The following SHOC2 variants were observed in gnomAD, a reference collection of about 807,000 sequenced individuals.
SHOC2 encodes leucine-rich repeat protein SHOC-2.
SHOC2 carries 4 observed loss-of-function variants against 50.2 expected under a neutral mutation model. That is an observed-to-expected ratio of 0.08 (90% confidence interval 0.04 to 0.18). SHOC2 has a LOEUF of 0.18. SHOC2 is among the 10% of genes least tolerant of loss of function. The pLI is 1.00. For synonymous variants in SHOC2, 218 were observed against 244.5 expected, an observed-to-expected ratio of 0.89 and a Z score of 1.01; for missense variants, 388 against 669.6, an observed-to-expected ratio of 0.58 and a Z score of 4.64.
Position 110,964,247 on chromosome 10 carries a change from T to C in SHOC2, c.-112T>C. 6.6e-7 allele frequency: 1 copy of C among 1,504,154 alleles called. No individual in the cohort carries two copies. The highest frequency in any genetic ancestry group is 8.9e-7 in the Non-Finnish European group (1 of 1,125,990). 93.2% of individuals were successfully genotyped at this position (1,504,154 alleles called of 1,614,324 possible). ...TGGATGTTACTCCATGCTGATTACT[T>C]CTTCAAGCCAGTACTTTTTTGATTG... On this transcript the variant is annotated 5_prime_UTR_variant, in exon 2 of 9. Coordinates refer to ENST00000369452, the MANE Select transcript of SHOC2 (RefSeq NM_007373.4). This position sits in a 1 kb window ranked among gnomAD's most constrained non-coding sequence, Gnocchi z 4.9.
chr10:110,922,793 A>G (rs1330304622), intron 1 of SHOC2, among the ~76,000 whole-genome samples: 1 of 151,024 alleles, frequency 6.6e-6, no homozygotes, highest in Non-Finnish European at 1.5e-5. Flanking sequence ...CAATTAACAG[A>G]GGAAATTTAA....
intron 7 of SHOC2, 43 bp downstream of exon 7, chr10:111,009,428 A>G: frequency 6.6e-7 from 1 of 1,504,962 alleles, no homozygotes; most frequent in Non-Finnish European, 9.2e-7. Context: ...AGTTTTTGGA[A>G]TCTGTTCCAA....
At chr10:111,009,221 T>C in intron 6 of SHOC2, 27 bp from the exon 7 acceptor site, 1 of 1,451,290 alleles carries the variant, frequency 6.9e-7, no homozygotes, top group Non-Finnish European at 9.7e-7. Flanking sequence ...CATGATTTCC[T>C]AAACATTATC....
At position 111,012,988 on chromosome 10, in the gene SHOC2, G is replaced by A. The variant is rs1160421289; in HGVS notation, c.*1170G>A. 6 of 152,582 alleles carry A rather than the reference G, an allele frequency of 3.9e-5. No homozygotes were observed. Among genetic ancestry groups the A allele is most frequent in the African/African-American group, 1.4e-4 (6 of 41,428 alleles). The allele number at this position is 152,582 out of a possible 1,614,324, so 9.5% of individuals were successfully genotyped here. A position where few individuals can be genotyped will look rare whatever the true frequency, so the allele number is the denominator to read the frequency against. On this transcript the variant is annotated 3_prime_UTR_variant, in exon 9 of 9. Coordinates refer to ENST00000369452, the MANE Select transcript of SHOC2 (RefSeq NM_007373.4). ...CACTTTTCCCCACATATGGGGCACTGGCTTCAAACAATTCAGTTCAGTATC... is the reference window on the plus strand; with the variant it reads ...CACTTTTCCCCACATATGGGGCACTAGCTTCAAACAATTCAGTTCAGTATC...
chr10:110,927,449 A>T (rs1216307200), intron 1 of SHOC2, among the ~76,000 whole-genome samples: 1 of 152,200 alleles, frequency 6.6e-6, no homozygotes, highest in African/African-American at 2.4e-5. Context: ...TAGAAATGGG[A>T]TGCTTATATA....
At chr10:110,991,711 C>T (rs1590824895) in intron 3 of SHOC2, among the ~76,000 whole-genome samples, 1 of 152,210 alleles carries the variant, frequency 6.6e-6, no homozygotes, top group East Asian at 1.9e-4. Flanking sequence ...GAAACTTTGA[C>T]GTTTGGGTCT....
chr10:110,978,716 T>C (rs896279748), intron 2 of SHOC2, among the ~76,000 whole-genome samples: 13 of 152,046 alleles, frequency 8.6e-5, no homozygotes, highest in Admixed American at 6.6e-5. Context: ...ATTTGAGGAG[T>C]GTGTATTTGA....
chr10:110,943,810 G>A (rs987816696), intron 1 of SHOC2, among the ~76,000 whole-genome samples: 1 of 152,224 alleles, frequency 6.6e-6, no homozygotes, highest in Admixed American at 6.5e-5. Context: ...TGAGGCAGTA[G>A]GAATGGAATT....
At chr10:110,999,952 T>A (rs1372733849) in intron 3 of SHOC2, among the ~76,000 whole-genome samples, 1 of 152,066 alleles carries the variant, frequency 6.6e-6, no homozygotes, top group South Asian at 2.1e-4. Flanking sequence ...CAGAAAATAA[T>A]TTATATTTTA....
intron 1 of SHOC2, chr10:110,937,137 C>T (rs1473338685): frequency 6.7e-7 from 1 of 1,494,258 alleles, no homozygotes; most frequent in African/African-American, 1.4e-5. Context: ...ACGACCACCA[C>T]CTTCCGGCCC....
rs990700514 is a variant in SHOC2, at chr10:110,936,256, C to G, written c.-235+16599C>G. ...GGATTACAGGCGCCCTCCACCCTGC[C>G]CGGCTAATTTTTGTATTTTTTTTTT... On this transcript the variant is annotated intron_variant, in intron 1 of 8. Transcript: ENST00000369452. Among the ~76,000 whole-genome samples, 20 of 151,910 alleles carry G rather than the reference C, an allele frequency of 1.3e-4. No individual in the cohort carries two copies. In the East Asian group the frequency reaches 1.9e-3, roughly 15 times the overall value.
At chr10:110,930,219 C>T (rs536918288) in intron 1 of SHOC2, among the ~76,000 whole-genome samples, 1 of 152,160 alleles carries the variant, frequency 6.6e-6, no homozygotes, top group South Asian at 2.1e-4. Flanking sequence ...CAGAAATGGA[C>T]CATATAAATG....
At chr10:110,919,398 T>G, upstream of SHOC2, 1 of 391,776 alleles carries the variant, frequency 2.6e-6, no homozygotes, top group Non-Finnish European at 4.5e-6. Context: ...AGAGAGAAGC[T>G]GGCGGCACTG....
At chr10:110,962,703 C>T (rs556191492) in intron 1 of SHOC2, among the ~76,000 whole-genome samples, 8 of 152,222 alleles carry the variant, frequency 5.3e-5, no homozygotes, top group African/African-American at 1.9e-4. Context: ...AGCTCCACTC[C>T]CTATTCTAGG....
chr10:111,002,878 A>G (rs527401404), intron 4 of SHOC2, among the ~76,000 whole-genome samples: 1 of 152,342 alleles, frequency 6.6e-6, no homozygotes, highest in South Asian at 2.1e-4. Flanking sequence ...AAATATACTC[A>G]GTATTAACAT....
intron 1 of SHOC2, among the ~76,000 whole-genome samples, chr10:110,941,031 A>G (rs548926072): frequency 6.5e-4 from 97 of 149,222 alleles, no homozygotes; most frequent in South Asian, 1.9e-3. Flanking sequence ...TCCTGCGCTC[A>G]AGCAGTCCTT....
chr10:110,924,912 A>C (rs947005752), intron 1 of SHOC2, among the ~76,000 whole-genome samples: 3 of 151,950 alleles, frequency 2.0e-5, no homozygotes, highest in Non-Finnish European at 4.4e-5. Flanking sequence ...TCTACTAAAA[A>C]TACAAAAAAT....
At chr10:110,999,710 C>G (rs1848331649) in intron 3 of SHOC2, among the ~76,000 whole-genome samples, 1 of 112,642 alleles carries the variant, frequency 8.9e-6, no homozygotes, top group Admixed American at 1.3e-4. Flanking sequence ...GCACTCCAGC[C>G]TGGGTGATAG....
rs150765025 is a variant in SHOC2 at position 110,965,160 on chromosome 10, C to T, written c.703+99C>T. Reference sequence around the variant, plus strand: ...AAAATGCCTGATACTTGCCTAAAAACAGCTTATTTCTAAATTACAACTTTT... The same window carrying T: ...AAAATGCCTGATACTTGCCTAAAAATAGCTTATTTCTAAATTACAACTTTT... On this transcript the variant is annotated intron_variant, in intron 2 of 8. Coordinates refer to ENST00000369452, the MANE Select transcript of SHOC2 (RefSeq NM_007373.4). 478 of 1,010,014 alleles carry T rather than the reference C, an allele frequency of 4.7e-4. 1 individual carries two copies. In the African/African-American group the frequency reaches 6.5e-3, roughly 14 times the overall value. 62.6% of individuals were successfully genotyped at this position (1,010,014 alleles called of 1,614,324 possible). A position where few individuals can be genotyped will look rare whatever the true frequency, so the allele number is the denominator to read the frequency against.
Sources: allele counts gnomAD v4.1 joint callset (sites outside exome capture counted in the v4.1 genomes callset), GRCh38; gene constraint gnomAD v4.1.1; non-coding constraint Gnocchi (gnomAD v3.1); transcripts MANE v1.5; gene names NCBI Gene and HGNC (gene_info 2026-07-23, HGNC 2026-07-21).